The following PLCL1 variants were observed in gnomAD, a reference collection of about 807,000 sequenced individuals.
PLCL1 encodes inactive phospholipase C-like protein 1.
In PLCL1, 41 loss-of-function variants were observed where a neutral mutation model predicts 84.4. That is an observed-to-expected ratio of 0.49 (90% CI 0.38 to 0.63). The LOEUF (loss-of-function observed/expected upper bound fraction) is 0.63. Among genes scored for constraint, PLCL1 ranks in the 30% least tolerant of loss-of-function variants. PLCL1 has a pLI of 0.00. For synonymous variants in PLCL1, 490 were observed against 488.3 expected (o/e 1.00, Z -0.05); for missense variants, 1,206 against 1,367.8 (o/e 0.88, Z 1.87).
intron 1 of PLCL1, among the ~76,000 whole-genome samples, chr2:197,963,111 C>T (rs1209555542): frequency 6.6e-6 from 1 of 152,018 alleles, no homozygotes; most frequent in Admixed American, 6.6e-5. Context: ...ATTGCTGGAT[C>T]ATATGTTAGC....
At chr2:197,922,560 A>G in intron 1 of PLCL1, among the ~76,000 whole-genome samples, 1 of 131,026 alleles carries the variant, frequency 7.6e-6, no homozygotes, top group Non-Finnish European at 1.7e-5. Flanking sequence ...GGCCGGGCAG[A>G]GGGGCTCCTT....
At chr2:198,106,435 G>A (rs1169471116) in intron 5 of PLCL1, among the ~76,000 whole-genome samples, 1 of 151,940 alleles carries the variant, frequency 6.6e-6, no homozygotes, top group African/African-American at 2.4e-5. Flanking sequence ...TGAGTCCAGT[G>A]GAGGAGGGGG....
intron 1 of PLCL1, among the ~76,000 whole-genome samples, chr2:198,023,329 A>T (rs1691183916): frequency 6.6e-6 from 1 of 152,264 alleles, no homozygotes; most frequent in African/African-American, 2.4e-5. Flanking sequence ...CATTCAGGAC[A>T]TAAGCATGGG....
chr2:197,923,563 G>A (rs1184805064), intron 1 of PLCL1, among the ~76,000 whole-genome samples: 22 of 147,352 alleles, frequency 1.5e-4, no homozygotes, highest in Non-Finnish European at 2.4e-4. Context: ...GACGATGGGC[G>A]GCCGGGCAGA....
chr2:198,058,499 C>T (rs912490761), intron 1 of PLCL1, among the ~76,000 whole-genome samples: 4 of 151,940 alleles, frequency 2.6e-5, no homozygotes, highest in Middle Eastern at 3.4e-3. Context: ...AGATCAAATA[C>T]ATGCAATTAC....
intron 1 of PLCL1, among the ~76,000 whole-genome samples, chr2:198,020,913 A>G (rs902285678): frequency 2.6e-5 from 4 of 152,222 alleles, no homozygotes; most frequent in African/African-American, 9.6e-5. Context: ...AGACATCTAC[A>G]GAACTCACCA....
At chr2:198,077,776 A>G (rs1159364798) in intron 1 of PLCL1, among the ~76,000 whole-genome samples, 1 of 152,208 alleles carries the variant, frequency 6.6e-6, no homozygotes. Flanking sequence ...CATGGCCCAA[A>G]GTAAACTTAG....
At position 198,103,857 on chromosome 2, in the gene PLCL1, T is replaced by C. The variant is rs1358938368; in HGVS notation, c.3026T>C (p.Leu1009Ser). 6.2e-7 allele frequency: 1 copy of C among 1,606,258 alleles called. No individual in the cohort carries two copies. The highest frequency in any genetic ancestry group is 1.1e-5 in the South Asian group (1 of 89,920). The change falls in exon 5 of 6, where the codon TTG (leucine) becomes TCG (serine). Residue 1009 changes from leucine to serine, a missense_variant. By Grantham distance (145) the Leu-to-Ser change is moderately radical. Coordinates refer to ENST00000428675, the MANE Select transcript of PLCL1 (RefSeq NM_006226.4). Reference sequence around the variant, plus strand: ...GAGTTCCATGAAGAACTTCATAATTTGGGGGCAAAAGAAGGCTTGAAGGGA... The same window carrying C: ...GAGTTCCATGAAGAACTTCATAATTCGGGGGCAAAAGAAGGCTTGAAGGGA... ...GMEFHEELHNLGAKEGLKGRK... is the reference protein window; with the variant it reads ...GMEFHEELHNSGAKEGLKGRK...
At chr2:197,947,664 CAGCAGATAAA>C (rs1430296436) in intron 1 of PLCL1, among the ~76,000 whole-genome samples, 1 of 152,096 alleles carries the variant, frequency 6.6e-6, no homozygotes, top group African/African-American at 2.4e-5. Flanking sequence ...GAGACAGTGG[CAGCAGATAAA>C]AGCAGAGAGG....
chr2:197,943,372 A>T (rs1203788923), intron 1 of PLCL1, among the ~76,000 whole-genome samples: 1 of 152,108 alleles, frequency 6.6e-6, no homozygotes, highest in African/African-American at 2.4e-5. Context: ...ACACACACAT[A>T]CATATTTCTT....
chr2:197,818,667 C>G (rs778600694), intron 1 of PLCL1, among the ~76,000 whole-genome samples: 12 of 152,032 alleles, frequency 7.9e-5, no homozygotes, highest in Non-Finnish European at 1.6e-4. Flanking sequence ...TGCACCTGGC[C>G]AAGAGATAAC....
At chr2:197,986,272 G>A (rs1690215713) in intron 1 of PLCL1, among the ~76,000 whole-genome samples, 1 of 152,194 alleles carries the variant, frequency 6.6e-6, no homozygotes. Flanking sequence ...TCAGGTGCCA[G>A]AGTAGGCAAA....
intron 1 of PLCL1, among the ~76,000 whole-genome samples, chr2:197,950,108 T>C (rs1689359412): frequency 2.6e-5 from 4 of 152,168 alleles, no homozygotes; most frequent in Admixed American, 2.6e-4. Context: ...AGACAATTTC[T>C]CTTGACAAAA....
chr2:198,028,516 T>C (rs1408443023), intron 1 of PLCL1, among the ~76,000 whole-genome samples: 1 of 152,218 alleles, frequency 6.6e-6, no homozygotes, highest in Non-Finnish European at 1.5e-5. Context: ...AGAGAAAGAA[T>C]TACTTTTACT....
chr2:197,814,057 AACTTT>A (rs1405023544), intron 1 of PLCL1, among the ~76,000 whole-genome samples: 7 of 152,308 alleles, frequency 4.6e-5, no homozygotes, highest in Non-Finnish European at 8.8e-5. Context: ...AAATACCTAT[AACTTT>A]ACTTTAATAT....
chr2:197,967,465 G>C (rs1458638206), intron 1 of PLCL1, among the ~76,000 whole-genome samples: 1 of 151,892 alleles, frequency 6.6e-6, no homozygotes, highest in African/African-American at 2.4e-5. Context: ...AAGTAACTTG[G>C]GTATCACTAG....
chr2:198,078,274 A>G (rs924263311), intron 1 of PLCL1, among the ~76,000 whole-genome samples: 3 of 152,214 alleles, frequency 2.0e-5, no homozygotes, highest in Non-Finnish European at 4.4e-5. Context: ...AATGAAGAAT[A>G]AGACCAGAGG....
chr2:198,009,063 A>G (rs1417853420), intron 1 of PLCL1, among the ~76,000 whole-genome samples: 1 of 151,770 alleles, frequency 6.6e-6, no homozygotes, highest in African/African-American at 2.4e-5. Context: ...TGTTGTTGTT[A>G]AAGTTTCTTA....
rs532078075 is a variant in PLCL1, at chr2:197,968,465, C to A, written c.241-115293C>A. ...ATAAAATGATAATAACAAAAGTATT[C>A]ATCATTTTTGGGGTACTTTCTAGGT... On this transcript the variant is annotated intron_variant, in intron 1 of 5. Transcript: ENST00000428675. 2.0e-5 allele frequency among the ~76,000 whole-genome samples: 3 copies of A among 152,200 alleles called. 1 individual carries two copies. Among genetic ancestry groups the A allele is most frequent in the Admixed American group, 1.3e-4 (2 of 15,294 alleles).
Sources: gnomAD v4.1 joint callset for allele counts (sites outside exome capture counted in the v4.1 genomes callset) on GRCh38, gnomAD v4.1.1 for gene constraint, MANE v1.5 for transcripts, NCBI Gene and HGNC (gene_info 2026-07-23, HGNC 2026-07-21) for gene names.